Variants in RBMS1 observed in about 807,000 individuals in gnomAD.
RBMS1 encodes RNA binding motif single stranded interacting protein 1, also known as RNA-binding motif, single-stranded-interacting protein 1.
A neutral mutation model predicts 62.3 loss-of-function variants in RBMS1; 17 were observed. That is an observed-to-expected ratio of 0.27 (90% confidence interval 0.19 to 0.41). The LOEUF is 0.41. Ranked by LOEUF, RBMS1 falls within the 10% of genes least tolerant of loss-of-function variation. RBMS1 has a pLI of 1.00. For synonymous variants in RBMS1, 172 were observed against 170.0 expected (o/e 1.01, Z -0.09); for missense variants, 334 against 504.5 (o/e 0.66, Z 3.24).
intron 1 of RBMS1, among the ~76,000 whole-genome samples, chr2:160,394,805 G>A (rs1413136916): frequency 6.6e-6 from 1 of 152,188 alleles, no homozygotes; most frequent in East Asian, 1.9e-4. Context: ...GTGCAAGTGT[G>A]TGCCATACTT....
rs551517859 is a variant in RBMS1, at chr2:160,473,096, C to T, written c.75+20193G>A. On this transcript the variant is annotated intron_variant, in intron 1 of 13. Coordinates refer to ENST00000348849, the MANE Select transcript of RBMS1 (RefSeq NM_016836.4). The stretch of plus-strand genomic sequence containing the variant: ...ATGGAGCTCAGGCTTTTACAGTTAA[C>T]GCTAAGTGACAGTTGACTTCTCTTT... Among the ~76,000 whole-genome samples the T allele has an allele frequency of 6.8e-4, 104 of 152,290 alleles. 1 individual carries two copies. The highest frequency in any genetic ancestry group is 1.3e-3 in the Non-Finnish European group (88 of 68,022).
intron 1 of RBMS1, among the ~76,000 whole-genome samples, chr2:160,477,492 C>T (rs1685194280): frequency 6.6e-6 from 1 of 152,130 alleles, no homozygotes; most frequent in Non-Finnish European, 1.5e-5. Context: ...TAGCCTTAAA[C>T]TCCTGGGCTC....
intron 1 of RBMS1, among the ~76,000 whole-genome samples, chr2:160,485,058 G>C (rs1267570359): frequency 6.6e-6 from 1 of 152,098 alleles, no homozygotes; most frequent in Non-Finnish European, 1.5e-5. Context: ...ATCTAGTAGT[G>C]GTAAGCTCAG....
intron 1 of RBMS1, among the ~76,000 whole-genome samples, chr2:160,424,060 C>T (rs1327074000): frequency 6.6e-6 from 1 of 151,386 alleles, no homozygotes; most frequent in Non-Finnish European, 1.5e-5. Context: ...ACTCTGTCGC[C>T]CAGGCTGGAG....
chr2:160,336,732 T>A (rs1467542491), intron 2 of RBMS1, among the ~76,000 whole-genome samples: 2 of 151,364 alleles, frequency 1.3e-5, no homozygotes, highest in African/African-American at 2.4e-5. Context: ...GTGTATTTTA[T>A]ACTGCCAGCG....
chr2:160,311,232 C>CTATA (rs10530445), intron 4 of RBMS1, among the ~76,000 whole-genome samples: 2,178 of 79,200 alleles, frequency 0.028, 93 homozygotes, highest in Non-Finnish European at 0.036. Context: ...ATCTATCTAT[C>CTATA]TATATATATA....
chr2:160,463,345 C>T (rs1559583349), intron 1 of RBMS1, among the ~76,000 whole-genome samples: 2 of 152,092 alleles, frequency 1.3e-5, no homozygotes, highest in Admixed American at 6.6e-5. Context: ...TATAACATGC[C>T]TCTCAAAAAA....
rs1693140480 is a variant in RBMS1 at position 160,361,722 on chromosome 2, G to A, written c.251+5494C>T. On this transcript the variant is annotated intron_variant, in intron 2 of 13. Transcript: ENST00000348849. The stretch of plus-strand genomic sequence containing the variant: ...TGTAACTCCAGCTACTCAGAAGGCT[G>A]AGGCAGAATCACTTGAGCCCAGGAG... Among the ~76,000 whole-genome samples, 3 of 152,212 alleles carry A rather than the reference G, an allele frequency of 2.0e-5. No homozygotes were observed. The South Asian group carries it at 6.2e-4, about 31-fold the overall frequency.
chr2:160,331,269 T>C (rs1691256278), intron 2 of RBMS1, among the ~76,000 whole-genome samples: 4 of 152,336 alleles, frequency 2.6e-5, no homozygotes, highest in South Asian at 4.1e-4. Context: ...GTCCCTGTCC[T>C]GCCCTGCTCC....
intron 1 of RBMS1, among the ~76,000 whole-genome samples, chr2:160,491,739 A>G (rs534006671): frequency 5.3e-5 from 8 of 152,302 alleles, no homozygotes; most frequent in African/African-American, 1.9e-4. Flanking sequence ...AATATATAAG[A>G]TATCTAAAAG....
At chr2:160,385,268 C>G (rs752097865) in intron 1 of RBMS1, among the ~76,000 whole-genome samples, 1 of 152,160 alleles carries the variant, frequency 6.6e-6, no homozygotes, top group East Asian at 1.9e-4. Flanking sequence ...CACACATGAC[C>G]AGTTCTAACC....
At chr2:160,431,643 T>C (rs953984626) in intron 1 of RBMS1, among the ~76,000 whole-genome samples, 2 of 152,210 alleles carry the variant, frequency 1.3e-5, no homozygotes, top group African/African-American at 4.8e-5. Flanking sequence ...TCTTGCACTA[T>C]TGTCTTCCTC....
intron 1 of RBMS1, among the ~76,000 whole-genome samples, chr2:160,472,023 G>A (rs1333530226): frequency 6.6e-6 from 1 of 151,944 alleles, no homozygotes; most frequent in Non-Finnish European, 1.5e-5. Flanking sequence ...CTTGTATGAA[G>A]CAGTTAAATC....
At chr2:160,452,467 C>T (rs931349561) in intron 1 of RBMS1, among the ~76,000 whole-genome samples, 11 of 152,150 alleles carry the variant, frequency 7.2e-5, no homozygotes, top group Middle Eastern at 3.2e-3. Context: ...ATTAATAACA[C>T]ATAATACAAC....
At chr2:160,353,422 A>C (rs1051689059) in intron 2 of RBMS1, among the ~76,000 whole-genome samples, 1 of 152,092 alleles carries the variant, frequency 6.6e-6, no homozygotes, top group African/African-American at 2.4e-5. Flanking sequence ...CATAATACAA[A>C]TATTATCCTT....
chr2:160,284,938 T>C (rs1194566210), intron 8 of RBMS1, 57 bp downstream of exon 8: 1 of 1,576,972 alleles, frequency 6.3e-7, no homozygotes. Context: ...AAATGTCTGA[T>C]ATTTTCCACC....
chr2:160,480,540 ATTAC>A (rs1316396256), intron 1 of RBMS1, among the ~76,000 whole-genome samples: 1 of 152,232 alleles, frequency 6.6e-6, no homozygotes, highest in Admixed American at 6.5e-5. Context: ...TTTATTATTA[ATTAC>A]TTAAAGGGGT....
In RBMS1 at chr2:160,493,538, C is replaced by T. The variant is rs1041830208; in HGVS notation, c.-175G>A. On this transcript the variant is annotated 5_prime_UTR_variant, in exon 1 of 14. Transcript: ENST00000348849. ...GACCAGACGTCCTCCTCCTCCTCCTCCTCTTCCTCCTCCTCCTCCTCCTCC... is the reference window on the plus strand; with the variant it reads ...GACCAGACGTCCTCCTCCTCCTCCTTCTCTTCCTCCTCCTCCTCCTCCTCC... 8.1e-6 allele frequency: 5 copies of T among 615,366 alleles called. No individual in the cohort carries two copies. The highest frequency in any genetic ancestry group is 4.0e-5 in the African/African-American group (2 of 50,632). 38.1% of individuals were successfully genotyped at this position (615,366 alleles called of 1,614,324 possible).
At chr2:160,444,812 C>A (rs1683571142) in intron 1 of RBMS1, among the ~76,000 whole-genome samples, 2 of 152,136 alleles carry the variant, frequency 1.3e-5, no homozygotes, top group Middle Eastern at 6.3e-3. Context: ...ACCCCAGCAC[C>A]AAACACATAT....
Sources: allele counts gnomAD v4.1 joint callset (sites outside exome capture counted in the v4.1 genomes callset), GRCh38; gene constraint gnomAD v4.1.1; transcripts MANE v1.5; gene names NCBI Gene and HGNC (gene_info 2026-07-23, HGNC 2026-07-21).